Variants in SYNE1 observed in about 807,000 individuals in gnomAD.
The protein encoded by SYNE1 is nesprin-1.
SYNE1 carries 616 observed loss-of-function variants against 1,111.0 expected under a neutral mutation model. The observed-to-expected ratio is 0.55, with a 90% CI of 0.52 to 0.59. The LOEUF (loss-of-function observed/expected upper bound fraction) is 0.59. Among genes scored for constraint, SYNE1 ranks in the 20% least tolerant of loss-of-function variants. The pLI, the probability that SYNE1 is intolerant of heterozygous loss-of-function variation, is 0.00. For missense variants in SYNE1, 10,006 were observed against 10,417.0 expected (o/e 0.96, Z 1.72); for synonymous variants, 3,855 against 3,825.8 (o/e 1.01, Z -0.28).
At chr6:152,213,056 G>A (rs1442736841) in intron 123 of SYNE1, among the ~76,000 whole-genome samples, 1 of 152,026 alleles carries the variant, frequency 6.6e-6, no homozygotes, top group East Asian at 1.9e-4. Context: ...TTAACAGTGG[G>A]CAAATTTATT....
intron 78 of SYNE1, among the ~76,000 whole-genome samples, chr6:152,329,091 G>A (rs1003182903): frequency 3.9e-5 from 6 of 152,136 alleles, no homozygotes; most frequent in Non-Finnish European, 5.9e-5. Flanking sequence ...TACTATCCAT[G>A]TACTAATATA....
At chr6:152,463,963 G>C (rs1364897795) in intron 18 of SYNE1, among the ~76,000 whole-genome samples, 1 of 152,120 alleles carries the variant, frequency 6.6e-6, no homozygotes. Flanking sequence ...TGCATAGATT[G>C]TGTGGTGGTA....
intron 39 of SYNE1, among the ~76,000 whole-genome samples, chr6:152,421,878 G>A (rs1448209104): frequency 6.6e-6 from 1 of 151,808 alleles, no homozygotes; most frequent in African/African-American, 2.4e-5. Flanking sequence ...GCTAATTTTT[G>A]TATTATTAGT....
At chr6:152,327,635 G>A (rs566318220) in intron 78 of SYNE1, among the ~76,000 whole-genome samples, 11 of 152,266 alleles carry the variant, frequency 7.2e-5, no homozygotes, top group South Asian at 4.1e-4. Context: ...TAGAATCAGC[G>A]GAGGGAATAA....
chr6:152,344,345 C>T, intron 73 of SYNE1, 118 bp from the exon 74 acceptor site: 3 of 1,475,414 alleles, frequency 2.0e-6, no homozygotes, highest in Non-Finnish European at 2.8e-6. Context: ...CAAGATTCTG[C>T]AATTTCATCT....
At chr6:152,633,500 T>A (rs1161641362) in intron 2 of SYNE1, among the ~76,000 whole-genome samples, 1 of 152,130 alleles carries the variant, frequency 6.6e-6, no homozygotes, top group African/African-American at 2.4e-5. Context: ...AGTATTGTAA[T>A]GGAAAAGTCC....
intron 116 of SYNE1, 62 bp from the exon 117 acceptor site, chr6:152,224,726 T>A: frequency 6.6e-7 from 1 of 1,513,838 alleles, no homozygotes; most frequent in Non-Finnish European, 9.2e-7. Context: ...GAATATATAT[T>A]CAATTGATGG....
chr6:152,329,677 G>C (rs117418600), intron 78 of SYNE1, 53 bp downstream of exon 78: 2 of 1,613,166 alleles, frequency 1.2e-6, no homozygotes, highest in African/African-American at 1.3e-5. Context: ...TCTTGTACCT[G>C]TTTACAAATA....
At chr6:152,485,416 A>AT in intron 12 of SYNE1, among the ~76,000 whole-genome samples, 1 of 152,244 alleles carries the variant, frequency 6.6e-6, no homozygotes, top group Non-Finnish European at 1.5e-5. Context: ...ATTTACAAAT[A>AT]GAAATTGCAT....
chr6:152,590,024 C>T (rs1024946863), intron 3 of SYNE1, among the ~76,000 whole-genome samples: 1 of 151,206 alleles, frequency 6.6e-6, no homozygotes, highest in African/African-American at 2.4e-5. Context: ...AACCTCGAAC[C>T]CTAGGCTCAA....
Position 152,350,290 on chromosome 6 carries a change from A to G in SYNE1, c.11779T>C (p.Tyr3927His), listed in dbSNP as rs1390497757. ...TCGACCTCTTGGAGCTCACTGTTGT[A>G]GTCTTCATGGTCTTTGACTTTCGCC... ...LEAKVKDHED[Y>H]NSELQEVEKW... The change falls in exon 72 of 146, where the codon TAC becomes CAC. Residue 3927 changes from tyrosine (Y) to histidine (H), a missense_variant. Tyr to His is a moderately conservative substitution (Grantham distance 83, BLOSUM62 2). Transcript: ENST00000367255. 6.2e-7 allele frequency: 1 copy of G among 1,614,162 alleles called. No homozygotes were observed. Among genetic ancestry groups the G allele is most frequent in the Non-Finnish European group, 8.5e-7 (1 of 1,180,030 alleles).
chr6:152,219,750 G>A (rs1588096903), intron 119 of SYNE1, among the ~76,000 whole-genome samples: 1 of 152,232 alleles, frequency 6.6e-6, no homozygotes, highest in Non-Finnish European at 1.5e-5. Context: ...TGAGCAGGGG[G>A]TGAGAGTAGC....
intron 4 of SYNE1, among the ~76,000 whole-genome samples, chr6:152,534,628 TG>T (rs202067843): frequency 1.3e-5 from 2 of 152,094 alleles, no homozygotes; most frequent in Non-Finnish European, 2.9e-5. Flanking sequence ...AAAAATTATT[TG>T]GGGGGGTGAA....
rs1207544980 is a variant in SYNE1, at chr6:152,449,571, C to G, written c.3466G>C (p.Asp1156His). ...TTAACCTCTCCGTGGTTGGCAGTATCGATGGCCTCACCCTTGATCCCCTTT... is the reference window on the plus strand; with the variant it reads ...TTAACCTCTCCGTGGTTGGCAGTATGGATGGCCTCACCCTTGATCCCCTTT... ...QLKGIKGEAI[D>H]TANHGEVKRA... The change falls in exon 28 of 146, where the codon GAT becomes CAT. Residue 1156 changes from aspartate to histidine, a missense_variant. This residue lies in a region of SYNE1 where 1,971 missense variants were observed against 2,084.1 expected (regional missense o/e 0.95). Coordinates refer to ENST00000367255, the MANE Select transcript of SYNE1 (RefSeq NM_182961.4). 1 of 1,613,960 alleles carries G rather than the reference C, an allele frequency of 6.2e-7. No individual in the cohort carries two copies. Among genetic ancestry groups the G allele is most frequent in the Non-Finnish European group, 8.5e-7 (1 of 1,180,002 alleles).
chr6:152,250,963 G>A (rs987002441), intron 104 of SYNE1, among the ~76,000 whole-genome samples: 1 of 152,054 alleles, frequency 6.6e-6, no homozygotes, highest in Non-Finnish European at 1.5e-5. Flanking sequence ...GTTTTGTTTT[G>A]TTTTGAGACA....
intron 11 of SYNE1, among the ~76,000 whole-genome samples, chr6:152,493,665 G>C (rs186455350): frequency 6.6e-6 from 1 of 151,914 alleles, no homozygotes; most frequent in Non-Finnish European, 1.5e-5. Context: ...CAACTCCCCC[G>C]TCAAAGGCCA....
chr6:152,422,752 C>T (rs953346608), intron 39 of SYNE1, among the ~76,000 whole-genome samples: 1 of 152,164 alleles, frequency 6.6e-6, no homozygotes, highest in African/African-American at 2.4e-5. Flanking sequence ...TGAGCAATCC[C>T]CTCACCTTGG....
At chr6:152,262,227 C>A in intron 100 of SYNE1, 39 bp from the exon 101 acceptor site, 3 of 1,592,374 alleles carry the variant, frequency 1.9e-6, no homozygotes, top group Non-Finnish European at 2.6e-6. Flanking sequence ...ACAATGTGCA[C>A]AAAAAAGTGA....
intron 12 of SYNE1, among the ~76,000 whole-genome samples, chr6:152,485,967 C>A (rs922269923): frequency 6.6e-6 from 1 of 152,032 alleles, no homozygotes; most frequent in Non-Finnish European, 1.5e-5. Context: ...GAGATCGAGG[C>A]GGGCGGATCA....
Sources: gnomAD v4.1 joint callset for allele counts (sites outside exome capture counted in the v4.1 genomes callset) on GRCh38, gnomAD v4.1.1 for gene constraint, gnomAD v4.1.1 regional missense constraint, MANE v1.5 for transcripts, NCBI Gene and HGNC (gene_info 2026-07-23, HGNC 2026-07-21) for gene names.